PKHD1: variants seen among roughly 807,000 people sequenced by gnomAD.
The protein encoded by PKHD1 is fibrocystin.
Under a neutral mutation model 412.0 loss-of-function variants are expected in PKHD1, and 291 were observed. The ratio of observed to expected loss-of-function variants is 0.71; its 90% confidence interval spans 0.64 to 0.78. PKHD1 has a LOEUF of 0.78. Among genes scored for constraint, PKHD1 ranks in the 30% least tolerant of loss-of-function variants. The pLI is 0.00. For missense variants in PKHD1, 4,825 were observed against 4,950.7 expected (o/e 0.97, Z 0.76); for synonymous variants, 1,777 against 1,821.5 (o/e 0.98, Z 0.62).
chr6:51,702,230 TCATGGA>T (rs1779536867), intron 60 of PKHD1, among the ~76,000 whole-genome samples: 1 of 94,816 alleles, frequency 1.1e-5, no homozygotes, highest in African/African-American at 3.4e-5. Context: ...TATATATATG[TCATGGA>T]ATACTACTCA....
At chr6:51,770,614 A>G (rs1789922732) in intron 55 of PKHD1, among the ~76,000 whole-genome samples, 1 of 149,180 alleles carries the variant, frequency 6.7e-6, no homozygotes, top group Non-Finnish European at 1.5e-5. Context: ...TGTTGCTTTT[A>G]TTCTTTTACC....
chr6:52,083,036 C>A, intron 3 of PKHD1, 142 bp downstream of exon 3: 1 of 694,472 alleles, frequency 1.4e-6, no homozygotes, highest in Non-Finnish European at 2.6e-6. Flanking sequence ...TCTAGAAAGA[C>A]AGAAGTTGGT....
At chr6:51,638,981 T>A (rs778116955) in intron 63 of PKHD1, 25 bp from the exon 64 acceptor site, 2 of 1,484,890 alleles carry the variant, frequency 1.3e-6, no homozygotes, top group Admixed American at 3.3e-5. Flanking sequence ...AAAACAAAAA[T>A]TAGCTGTTTA....
At chr6:52,039,355 C>G (rs958739920) in intron 27 of PKHD1, among the ~76,000 whole-genome samples, 1 of 152,138 alleles carries the variant, frequency 6.6e-6, no homozygotes, top group African/African-American at 2.4e-5. Flanking sequence ...GGCAGATTTC[C>G]CCCTTGCTGT....
At chr6:51,674,904 G>A (rs114662868) in intron 60 of PKHD1, among the ~76,000 whole-genome samples, 2,990 of 152,196 alleles carry the variant, frequency 0.02, 123 homozygotes, top group African/African-American at 0.069. Flanking sequence ...CAATAGCCTA[G>A]GGATTATCAA....
In PKHD1 at chr6:51,618,989, T is replaced by C. The variant is rs1433879481; in HGVS notation, c.*92A>G. On this transcript the variant is annotated 3_prime_UTR_variant, in exon 67 of 67. Coordinates refer to ENST00000371117, the MANE Select transcript of PKHD1 (RefSeq NM_138694.4). ...AGTCCACATTCTCTCTTCTTAGTTG[T>C]CCCAGCAGGACAGTCCTCACTTCCC... 5.2e-6 allele frequency: 6 copies of C among 1,154,374 alleles called. No individual in the cohort carries two copies. In the East Asian group the frequency reaches 1.2e-4, roughly 23 times the overall value. The allele number at this position is 1,154,374 out of a possible 1,614,324, so 71.5% of individuals were successfully genotyped here. A position where few individuals can be genotyped will look rare whatever the true frequency, so the allele number is the denominator to read the frequency against.
intron 66 of PKHD1, among the ~76,000 whole-genome samples, chr6:51,623,529 C>A (rs1319312338): frequency 4.6e-5 from 7 of 152,068 alleles, no homozygotes; most frequent in Admixed American, 3.3e-4. Context: ...AAAAGCATAT[C>A]ATCTGCAAAC....
chr6:51,759,884 C>T (rs1435140456), intron 55 of PKHD1, among the ~76,000 whole-genome samples: 1 of 152,052 alleles, frequency 6.6e-6, no homozygotes, highest in Non-Finnish European at 1.5e-5. Context: ...GTCTGCCTGC[C>T]CTCAAAGTTC....
At chr6:51,660,933 T>C (rs1772748213) in intron 60 of PKHD1, among the ~76,000 whole-genome samples, 1 of 152,056 alleles carries the variant, frequency 6.6e-6, no homozygotes, top group Admixed American at 6.5e-5. Flanking sequence ...ATGGGGATGG[T>C]GAGGAGATGA....
intron 55 of PKHD1, 36 bp from the exon 56 acceptor site, chr6:51,754,974 C>G (rs765610174): frequency 1.3e-6 from 2 of 1,554,466 alleles, no homozygotes; most frequent in South Asian, 1.1e-5. Flanking sequence ...GATATACTAA[C>G]AGTGCAGCAC....
chr6:51,892,770 TA>T, intron 43 of PKHD1, among the ~76,000 whole-genome samples: 1 of 152,288 alleles, frequency 6.6e-6, no homozygotes, highest in African/African-American at 2.4e-5. Context: ...GCATTCCCAT[TA>T]AAAAAACATT....
chr6:51,982,852 AAT>A (rs1386128509), intron 35 of PKHD1, among the ~76,000 whole-genome samples: 30 of 129,134 alleles, frequency 2.3e-4, no homozygotes, highest in African/African-American at 7.7e-4. Flanking sequence ...AAAATAAAAA[AAT>A]AAAAATAAAA....
rs116305153 is a variant in PKHD1 at position 51,891,959 on chromosome 6, G to A, written c.6997-4714C>T. ...GCAGCAGCCAGGACCTGGTCAGGGA[G>A]GCCAGCACATACTGACACAATTGCC... On this transcript the variant is annotated intron_variant, in intron 43 of 66. Coordinates refer to ENST00000371117, the MANE Select transcript of PKHD1 (RefSeq NM_138694.4). Among the ~76,000 whole-genome samples the A allele has an allele frequency of 2.5e-3, 378 of 152,252 alleles. 3 individuals are homozygous for A. Among genetic ancestry groups the A allele is most frequent in the African/African-American group, 8.1e-3 (338 of 41,524 alleles).
chr6:51,903,697 T>C lies in PKHD1; in HGVS notation c.6896A>G (p.Asn2299Ser), dbSNP rs752609574. The change falls in exon 43 of 67, where the codon AAC becomes AGC. Residue 2299 changes from asparagine to serine, a missense_variant. Asn to Ser is a conservative substitution (Grantham distance 46). Transcript: ENST00000371117. The part of the protein sequence containing the change: ...DWSGHGNIIR[N>S]NVIIQVSGAE... ...ACCAGAAACCTGGATGATCACGTTG[T>C]TTCTTATTATATTTCCATGTCCTGA... 1 of 1,611,684 alleles carries C rather than the reference T, an allele frequency of 6.2e-7. No homozygotes were observed. The highest frequency in any genetic ancestry group is 2.2e-5 in the East Asian group (1 of 44,846).
intron 36 of PKHD1, among the ~76,000 whole-genome samples, chr6:51,939,309 A>G (rs1461002240): frequency 6.7e-6 from 1 of 148,268 alleles, no homozygotes; most frequent in African/African-American, 2.5e-5. Context: ...CCGTGTCTCT[A>G]CCCCTTCTCC....
At chr6:51,864,148 A>G (rs1017715698) in intron 48 of PKHD1, among the ~76,000 whole-genome samples, 1 of 152,180 alleles carries the variant, frequency 6.6e-6, no homozygotes, top group East Asian at 1.9e-4. Context: ...AAGAGCACAA[A>G]TAAGTTGAAT....
At chr6:52,000,355 C>T (rs571430933) in intron 35 of PKHD1, among the ~76,000 whole-genome samples, 1 of 152,086 alleles carries the variant, frequency 6.6e-6, no homozygotes, top group Non-Finnish European at 1.5e-5. Context: ...AATTTCATAG[C>T]AAGCAGGCCT....
chr6:51,725,365 C>T (rs1782447302), intron 60 of PKHD1, among the ~76,000 whole-genome samples: 1 of 152,192 alleles, frequency 6.6e-6, no homozygotes, highest in South Asian at 2.1e-4. Context: ...AACAGAGAGT[C>T]ATGTGGATGC....
intron 53 of PKHD1, among the ~76,000 whole-genome samples, chr6:51,783,186 T>C (rs962116214): frequency 4.6e-5 from 7 of 152,186 alleles, no homozygotes; most frequent in South Asian, 4.1e-4. Context: ...CAGTGCATCA[T>C]GTGACCTGGT....
Sources: gnomAD v4.1 joint callset for allele counts (sites outside exome capture counted in the v4.1 genomes callset) on GRCh38, gnomAD v4.1.1 for gene constraint, MANE v1.5 for transcripts, NCBI Gene and HGNC (gene_info 2026-07-23, HGNC 2026-07-21) for gene names.